Variants in XKR5 observed in about 807,000 individuals in gnomAD.
XKR5 encodes the protein XK related 5.
Under a neutral mutation model 40.8 loss-of-function variants are expected in XKR5, and 46 were observed. That is an observed-to-expected ratio of 1.13 (90% CI 0.89 to 1.44). The LOEUF is 1.44. Ranked by LOEUF, XKR5 falls within the 40% of genes most tolerant of loss-of-function variation. XKR5 has a pLI of 0.00. For synonymous variants in XKR5, 466 were observed against 356.1 expected (o/e 1.31, Z -3.48); for missense variants, 1,169 against 844.7 (o/e 1.38, Z -4.76).
At chr8:6,813,328 G>A (rs1803820883) in intron 6 of XKR5, among the ~76,000 whole-genome samples, 1 of 152,198 alleles carries the variant, frequency 6.6e-6, no homozygotes, top group African/African-American at 2.4e-5. Flanking sequence ...TGCCTGGTGA[G>A]GGACATATTG....
Position 6,808,707 on chromosome 8 carries a change from A to T in XKR5, c.*2491T>A, listed in dbSNP as rs1429330739. On this transcript the variant is annotated 3_prime_UTR_variant, in exon 7 of 7. Coordinates refer to ENST00000618742, the MANE Select transcript of XKR5 (RefSeq NM_207411.5). ...GATTTCTGCATACTCAGTGCCTGTCATACTCAACTAATATTCCTTAAATGA... is the reference window on the plus strand; with the variant it reads ...GATTTCTGCATACTCAGTGCCTGTCTTACTCAACTAATATTCCTTAAATGA... 10 of 152,230 alleles carry T rather than the reference A, an allele frequency of 6.6e-5. No individual in the cohort carries two copies. In the East Asian group the frequency reaches 1.9e-3, roughly 29 times the overall value. 9.4% of individuals were successfully genotyped at this position (152,230 alleles called of 1,614,324 possible). A position where few individuals can be genotyped will look rare whatever the true frequency, so the allele number is the denominator to read the frequency against.
chr8:6,825,268 G>A lies in XKR5; in HGVS notation c.324C>T (p.Asp108=), dbSNP rs1447078389. The change falls in exon 3 of 7, where the codon GAC becomes GAT. Residue 108 remains aspartate, a synonymous_variant. Transcript: ENST00000618742. ...CCTCCAAGAGTCGAAGGGCCGACAGGTCGGCCTCCTGCAGCTGCAGCCAGC... is the reference window on the plus strand; with the variant it reads ...CCTCCAAGAGTCGAAGGGCCGACAGATCGGCCTCCTGCAGCTGCAGCCAGC... ...HRGWLQLQEA[D]LSALRLLEAL... 2 of 1,611,900 alleles carry A rather than the reference G, an allele frequency of 1.2e-6. No homozygotes were observed. The highest frequency in any genetic ancestry group is 1.7e-5 in the Admixed American group (1 of 59,608).
chr8:6,831,609 G>T (rs1804766313), intron 2 of XKR5, among the ~76,000 whole-genome samples: 1 of 152,116 alleles, frequency 6.6e-6, no homozygotes, highest in Non-Finnish European at 1.5e-5. Flanking sequence ...AGGACACACA[G>T]CAGCATTGGC....
At chr8:6,815,704 G>T (rs945274238) in intron 6 of XKR5, 103 bp downstream of exon 6, 2 of 779,642 alleles carry the variant, frequency 2.6e-6, no homozygotes, top group African/African-American at 1.7e-5. Flanking sequence ...TTGGTCTCCA[G>T]TTAACCACAT....
At chr8:6,830,119 G>A (rs993542225) in intron 2 of XKR5, among the ~76,000 whole-genome samples, 2 of 152,158 alleles carry the variant, frequency 1.3e-5, no homozygotes, top group African/African-American at 4.8e-5. Flanking sequence ...TTACAGGCGT[G>A]AGCCACCGCG....
chr8:6,825,451 A>C, intron 2 of XKR5, 102 bp from the exon 3 acceptor site: 1 of 1,196,890 alleles, frequency 8.4e-7, no homozygotes, highest in South Asian at 1.9e-5. Context: ...GCAATATCCT[A>C]TGCCCTTACT....
intron 3 of XKR5, among the ~76,000 whole-genome samples, chr8:6,824,330 A>C (rs1414603811): frequency 5.6e-5 from 7 of 125,944 alleles, no homozygotes; most frequent in South Asian, 2.8e-4. Flanking sequence ...AAGGGGGTGA[A>C]GGGGAGGGGA....
In XKR5 at chr8:6,811,938, G is replaced by T. The variant is rs552834256; in HGVS notation, c.1321C>A (p.Gln441Lys). 2.6e-6 allele frequency: 4 copies of T among 1,537,274 alleles called. No homozygotes were observed. The East Asian group carries it at 7.3e-5, about 28-fold the overall frequency. The change falls in exon 7 of 7, where the codon CAG becomes AAG. Residue 441 changes from glutamine (Q) to lysine (K), a missense_variant. By Grantham distance (53) the Gln-to-Lys change is moderately conservative (BLOSUM62 1). Coordinates refer to ENST00000618742, the MANE Select transcript of XKR5 (RefSeq NM_207411.5). Reference sequence around the variant, plus strand: ...AAGGCCTTTCTCTGCAGGTAGTCCTGTTGACTCAACCCCCATGCAGGTGGA... The same window carrying T: ...AAGGCCTTTCTCTGCAGGTAGTCCTTTTGACTCAACCCCCATGCAGGTGGA... ...YCPPAWGLSQ[Q>K]DYLQRKALSA...
intron 2 of XKR5, among the ~76,000 whole-genome samples, chr8:6,832,195 C>T (rs1186322833): frequency 6.6e-6 from 1 of 152,100 alleles, no homozygotes; most frequent in Non-Finnish European, 1.5e-5. Flanking sequence ...CTATGGATCA[C>T]GGATAAGCCC....
intron 2 of XKR5, among the ~76,000 whole-genome samples, chr8:6,830,570 G>C (rs1188647842): frequency 6.6e-6 from 1 of 152,032 alleles, no homozygotes; most frequent in Non-Finnish European, 1.5e-5. Context: ...GTGCATTCTG[G>C]CTCTATCTTG....
chr8:6,834,700 A>T (rs1315506897), intron 1 of XKR5, among the ~76,000 whole-genome samples: 2 of 152,098 alleles, frequency 1.3e-5, no homozygotes, highest in Admixed American at 1.3e-4. Flanking sequence ...TCTGCCCGGG[A>T]AAAAGCTTCC....
intron 3 of XKR5, among the ~76,000 whole-genome samples, chr8:6,824,786 G>C (rs902428166): frequency 6.6e-6 from 1 of 152,170 alleles, no homozygotes; most frequent in African/African-American, 2.4e-5. Flanking sequence ...GCTTCCCAAA[G>C]TGCTGGGACT....
intron 3 of XKR5, 65 bp downstream of exon 3, chr8:6,825,100 A>C: frequency 1.3e-6 from 2 of 1,585,380 alleles, no homozygotes; most frequent in South Asian, 2.3e-5. Flanking sequence ...TTTGCTAAAC[A>C]GGCTCACATT....
chr8:6,834,604 C>G (rs1020564946), intron 1 of XKR5, among the ~76,000 whole-genome samples: 13 of 152,206 alleles, frequency 8.5e-5, no homozygotes, highest in African/African-American at 3.1e-4. Context: ...GCCTCGGAAG[C>G]AGCGGGACCT....
Position 6,835,420 on chromosome 8 carries a change from G to A in XKR5, c.58+16C>T. The A allele has an allele frequency of 1.4e-6, 2 of 1,469,950 alleles. No individual in the cohort carries two copies. The highest frequency in any genetic ancestry group is 1.8e-6 in the Non-Finnish European group (2 of 1,117,370). The allele number at this position is 1,469,950 out of a possible 1,614,324, so 91.1% of individuals were successfully genotyped here. ...GGGCTGCAGGGGTGAGCACAGCCTC[G>A]GGCTGCCGCACTCACGCGCGCTCTG... is the stretch of plus-strand genomic sequence containing the variant. On this transcript the variant is annotated intron_variant, in intron 1 of 6. Coordinates refer to ENST00000618742, the MANE Select transcript of XKR5 (RefSeq NM_207411.5).
In XKR5 at chr8:6,835,439, C is replaced by T. The variant is rs1204003802; in HGVS notation, c.55G>A (p.Ala19Thr). ...SALLQAAEQS[A>T]RLYTVAYYFT... ...AGCCTCGGGCTGCCGCACTCACGCG[C>T]GCTCTGCTCGGCCGCCTGCAGCAGG... Residue 19 changes from alanine to threonine, a missense_variant, in exon 1 of 7, where the codon GCG becomes ACG. Ala to Thr is a moderately conservative substitution (Grantham distance 58). Transcript: ENST00000618742. 1 of 1,489,906 alleles carries T rather than the reference C, an allele frequency of 6.7e-7. No homozygotes were observed. The highest frequency in any genetic ancestry group is 8.9e-7 in the Non-Finnish European group (1 of 1,127,120). 92.3% of individuals were successfully genotyped at this position (1,489,906 alleles called of 1,614,324 possible).
intron 5 of XKR5, among the ~76,000 whole-genome samples, chr8:6,819,912 C>T (rs1804156548): frequency 6.7e-6 from 1 of 149,366 alleles, no homozygotes; most frequent in Admixed American, 6.6e-5. Context: ...TCTTTCTCTG[C>T]TCTCTTGCCC....
In XKR5 at chr8:6,835,419, C is replaced by T. The variant is rs1346359244; in HGVS notation, c.58+17G>A. 7.5e-6 allele frequency: 11 copies of T among 1,468,434 alleles called. No individual in the cohort carries two copies. Among genetic ancestry groups the T allele is most frequent in the East Asian group, 2.9e-5 (1 of 34,882 alleles). The allele number at this position is 1,468,434 out of a possible 1,614,324, so 91.0% of individuals were successfully genotyped here. ...GGGGCTGCAGGGGTGAGCACAGCCT[C>T]GGGCTGCCGCACTCACGCGCGCTCT... On this transcript the variant is annotated intron_variant, in intron 1 of 6. Transcript: ENST00000618742.
rs116149217 is a variant in XKR5, at chr8:6,814,595, G to A, written c.919+1212C>T. Among the ~76,000 whole-genome samples, 1,433 of 152,266 alleles carry A rather than the reference G, an allele frequency of 9.4e-3. 15 individuals are homozygous for A. Among genetic ancestry groups the A allele is most frequent in the African/African-American group, 0.032 (1,331 of 41,536 alleles). On this transcript the variant is annotated intron_variant, in intron 6 of 6. Transcript: ENST00000618742. ...GTGATGTTGTGCCACCGTTTTGCGA[G>A]ATATTACCACTGGGGGAAAACCTGG...
Sources: gnomAD v4.1 joint callset for allele counts (sites outside exome capture counted in the v4.1 genomes callset) on GRCh38, gnomAD v4.1.1 for gene constraint, MANE v1.5 for transcripts, NCBI Gene and HGNC (gene_info 2026-07-23, HGNC 2026-07-21) for gene names.